Variants in SND1 observed in about 807,000 individuals in gnomAD.
SND1 encodes staphylococcal nuclease domain-containing protein 1.
In SND1, 38 loss-of-function variants were observed where a neutral mutation model predicts 121.7. The observed-to-expected ratio is 0.31, with a 90% confidence interval of 0.24 to 0.41. The LOEUF (loss-of-function observed/expected upper bound fraction) is 0.41, where lower values mean the gene tolerates loss of function less well. SND1 is among the 10% of genes least tolerant of loss of function. SND1 has a pLI of 1.00. For missense variants in SND1, 868 were observed against 1,184.6 expected (o/e 0.73, Z 3.92); for synonymous variants, 401 against 447.4 (o/e 0.90, Z 1.31).
In SND1 at chr7:127,750,929, G is replaced by A. The variant is rs563682959; in HGVS notation, c.1152+29529G>A. 8.5e-5 allele frequency among the ~76,000 whole-genome samples: 13 copies of A among 152,192 alleles called. No homozygotes were observed. The South Asian group carries it at 2.3e-3, about 27-fold the overall frequency. Reference sequence around the variant, plus strand: ...TGGACTAGTGTAAAATAAATGTTTCGCACATTCTTCCCTTCCATTTAACCT... The same window carrying A: ...TGGACTAGTGTAAAATAAATGTTTCACACATTCTTCCCTTCCATTTAACCT... On this transcript the variant is annotated intron_variant, in intron 10 of 23. Coordinates refer to ENST00000354725, the MANE Select transcript of SND1 (RefSeq NM_014390.4).
chr7:127,829,057 T>C (rs553133857), intron 11 of SND1, among the ~76,000 whole-genome samples: 1 of 152,308 alleles, frequency 6.6e-6, no homozygotes, highest in Admixed American at 6.5e-5. Context: ...TTGCTGTGTA[T>C]ACTAGCGATA....
chr7:127,861,174 T>C (rs1001262515), intron 12 of SND1, among the ~76,000 whole-genome samples: 1 of 152,212 alleles, frequency 6.6e-6, no homozygotes, highest in Non-Finnish European at 1.5e-5. Flanking sequence ...GTGCCATATG[T>C]TAAATATCTT....
At chr7:127,659,348 G>A (rs1052746833) in intron 1 of SND1, among the ~76,000 whole-genome samples, 23 of 152,184 alleles carry the variant, frequency 1.5e-4, no homozygotes, top group Non-Finnish European at 2.8e-4. Context: ...ATGAACAGTG[G>A]TTTCAGTTGG....
intron 10 of SND1, among the ~76,000 whole-genome samples, chr7:127,765,429 G>A (rs1318052109): frequency 6.6e-6 from 1 of 152,220 alleles, no homozygotes; most frequent in Non-Finnish European, 1.5e-5. Flanking sequence ...TGTGTTTGAG[G>A]AAGCCCCTTA....
chr7:128,025,016 A>C (rs1440011994), intron 16 of SND1, among the ~76,000 whole-genome samples: 1 of 151,444 alleles, frequency 6.6e-6, no homozygotes, highest in Non-Finnish European at 1.5e-5. Flanking sequence ...TACCTACTTC[A>C]CTCCTTCCCC....
intron 3 of SND1, 49 bp downstream of exon 3, chr7:127,694,997 A>G (rs1449005715): frequency 5.0e-6 from 8 of 1,590,814 alleles, no homozygotes; most frequent in Non-Finnish European, 6.9e-6. Context: ...AAGTTCTGTT[A>G]AAGATCAGTT....
At chr7:128,077,891 A>G (rs1196218225) in intron 17 of SND1, among the ~76,000 whole-genome samples, 1 of 152,242 alleles carries the variant, frequency 6.6e-6, no homozygotes, top group Non-Finnish European at 1.5e-5. Context: ...CCATACAGCA[A>G]TAATTTTCTG....
At chr7:127,771,107 G>A (rs573860847) in intron 10 of SND1, among the ~76,000 whole-genome samples, 2 of 152,258 alleles carry the variant, frequency 1.3e-5, no homozygotes, top group South Asian at 2.1e-4. Flanking sequence ...CAGTATTTTC[G>A]TGTAAGAGAA....
At position 127,732,628 on chromosome 7, in the gene SND1, C is replaced by T. The variant is rs117959026; in HGVS notation, c.1152+11228C>T. The stretch of plus-strand genomic sequence containing the variant: ...TCACTTTTTAAAACATGGACAACAA[C>T]GAAACTGTATTCTAGTTTTCTTGAG... On this transcript the variant is annotated intron_variant, in intron 10 of 23. Coordinates refer to ENST00000354725, the MANE Select transcript of SND1 (RefSeq NM_014390.4). Among the ~76,000 whole-genome samples, 698 of 152,292 alleles carry T rather than the reference C, an allele frequency of 4.6e-3. 2 individuals are homozygous for T. Among genetic ancestry groups the T allele is most frequent in the Admixed American group, 0.011 (161 of 15,298 alleles).
At chr7:127,728,310 C>T (rs188779536) in intron 10 of SND1, among the ~76,000 whole-genome samples, 36 of 152,204 alleles carry the variant, frequency 2.4e-4, no homozygotes, top group Non-Finnish European at 3.5e-4. Context: ...CAATCCATAT[C>T]TCTCTCTTCC....
chr7:127,718,333 C>T (rs1796425259), intron 9 of SND1, among the ~76,000 whole-genome samples: 1 of 152,154 alleles, frequency 6.6e-6, no homozygotes, highest in Non-Finnish European at 1.5e-5. Context: ...AGACAGTAAT[C>T]CACTCTGCAT....
chr7:127,689,518 A>G (rs1795875275), intron 2 of SND1, among the ~76,000 whole-genome samples: 1 of 152,206 alleles, frequency 6.6e-6, no homozygotes, highest in African/African-American at 2.4e-5. Flanking sequence ...ATACAAGGCC[A>G]GTTGGAACTT....
At chr7:127,788,053 A>G (rs1289584586) in intron 10 of SND1, among the ~76,000 whole-genome samples, 2 of 152,194 alleles carry the variant, frequency 1.3e-5, no homozygotes, top group East Asian at 1.9e-4. Context: ...TTGAATATGA[A>G]TGTTACAATG....
In SND1 at chr7:127,766,697, A is replaced by G. The variant is rs369127433; in HGVS notation, c.1153-40787A>G. Among the ~76,000 whole-genome samples the G allele has an allele frequency of 1.1e-3, 143 of 129,278 alleles. 1 individual carries two copies. Among genetic ancestry groups the G allele is most frequent in the Admixed American group, 2.9e-3 (30 of 10,224 alleles). The allele number at this position is 129,278 out of a possible 152,430, so 84.8% of individuals were successfully genotyped here. A position where few individuals can be genotyped will look rare whatever the true frequency, so the allele number is the denominator to read the frequency against. ...GGCTGAGGCAGAATGGCGTGAACCC[A>G]GGAGGCGGAGCTTGCAGTGAGCCGA... On this transcript the variant is annotated intron_variant, in intron 10 of 23. Transcript: ENST00000354725.
At position 128,008,488 on chromosome 7, in the gene SND1, G is replaced by A. The variant is rs1402500969; in HGVS notation, c.1779+17432G>A. Among the ~76,000 whole-genome samples the A allele has an allele frequency of 2.0e-5, 3 of 151,242 alleles. No individual in the cohort carries two copies. The East Asian group carries it at 5.8e-4, about 29-fold the overall frequency. ...CCTTTTTTTTTTTTTTTGGAGGGGG[G>A]TTGCATTGTTTTGATTTTTGAATTG... On this transcript the variant is annotated intron_variant, in intron 16 of 23. Transcript: ENST00000354725.
chr7:127,998,134 C>T (rs1387000765), intron 16 of SND1: 1 of 391,660 alleles, frequency 2.6e-6, no homozygotes, highest in Non-Finnish European at 5.2e-6. Flanking sequence ...CTAATTGATT[C>T]CTTGTGACCT....
At chr7:127,998,393 G>A (rs1415520469) in intron 16 of SND1, 1 of 166,982 alleles carries the variant, frequency 6.0e-6, no homozygotes, top group African/African-American at 2.4e-5. Flanking sequence ...TAAAGGTAAT[G>A]AGATAATGAT....
At chr7:127,795,757 C>T (rs1359593869) in intron 10 of SND1, among the ~76,000 whole-genome samples, 1 of 152,138 alleles carries the variant, frequency 6.6e-6, no homozygotes, top group East Asian at 1.9e-4. Flanking sequence ...GCCAAGAGTA[C>T]TACTTTTTCA....
At chr7:127,890,645 G>T (rs1286464146) in intron 13 of SND1, among the ~76,000 whole-genome samples, 1 of 152,138 alleles carries the variant, frequency 6.6e-6, no homozygotes, top group Non-Finnish European at 1.5e-5. Flanking sequence ...TTGCAGGGCT[G>T]CTCTGGAAAG....
Sources: allele counts gnomAD v4.1 joint callset (sites outside exome capture counted in the v4.1 genomes callset), GRCh38; gene constraint gnomAD v4.1.1; transcripts MANE v1.5; gene names NCBI Gene and HGNC (gene_info 2026-07-23, HGNC 2026-07-21).